Variants in ENTREP2 observed in about 807,000 individuals in gnomAD.
ENTREP2 encodes endosomal transmembrane epsin interactor 2.
At chr15:29,157,605 G>A in the ENTREP2 span, among the ~76,000 whole-genome samples, 2 of 152,298 alleles carry the variant, frequency 1.3e-5, no homozygotes, top group Admixed American at 1.3e-4. Flanking sequence ...TTTTTGAGCA[G>A]GAAGTTGGAC....
chr15:29,579,877 A>T, the ENTREP2 span, among the ~76,000 whole-genome samples: 18,960 of 151,254 alleles, frequency 0.13, 2,098 homozygotes, highest in East Asian at 0.47. Context: ...CACCTGGCTA[A>T]TTTTTTGTAT....
the ENTREP2 span, among the ~76,000 whole-genome samples, chr15:29,184,789 G>A: frequency 6.6e-6 from 1 of 152,138 alleles, no homozygotes; most frequent in Non-Finnish European, 1.5e-5. Context: ...CCTGTCCTGT[G>A]GCCCCTCTCA....
At chr15:29,228,988 A>G in the ENTREP2 span, among the ~76,000 whole-genome samples, 1 of 152,124 alleles carries the variant, frequency 6.6e-6, no homozygotes, top group Non-Finnish European at 1.5e-5. Context: ...TTTTATTAGG[A>G]ACATTTTTGT....
chr15:29,271,779 A>AC, the ENTREP2 span, among the ~76,000 whole-genome samples: 18 of 152,262 alleles, frequency 1.2e-4, no homozygotes, highest in African/African-American at 4.3e-4. Flanking sequence ...TTAAGGCAGT[A>AC]GCTTGCCGAT....
At chr15:29,302,627 A>G in the ENTREP2 span, among the ~76,000 whole-genome samples, 1 of 152,070 alleles carries the variant, frequency 6.6e-6, no homozygotes, top group Non-Finnish European at 1.5e-5. Context: ...TGCTTGCCAA[A>G]AATAATTACA....
chr15:29,412,162 A>C, the ENTREP2 span, among the ~76,000 whole-genome samples: 160 of 152,292 alleles, frequency 1.1e-3, no homozygotes, highest in Middle Eastern at 0.01. Flanking sequence ...GAAAAAAAAA[A>C]CAGCCATCTT....
the ENTREP2 span, among the ~76,000 whole-genome samples, chr15:29,340,622 T>G: frequency 6.6e-6 from 1 of 152,220 alleles, no homozygotes; most frequent in South Asian, 2.1e-4. Flanking sequence ...CTGTGATGAT[T>G]CTAATATTGG....
At chr15:29,151,564 C>T in the ENTREP2 span, among the ~76,000 whole-genome samples, 60 of 152,282 alleles carry the variant, frequency 3.9e-4, 1 homozygote, top group South Asian at 8.5e-3. Flanking sequence ...AATACATCAG[C>T]GGCGCCACGT....
At chr15:29,495,362 T>C in the ENTREP2 span, among the ~76,000 whole-genome samples, 1 of 152,230 alleles carries the variant, frequency 6.6e-6, no homozygotes, top group Non-Finnish European at 1.5e-5. Context: ...TTACATTTCA[T>C]TGTTTCCTTT....
At chr15:29,617,966 C>A in the ENTREP2 span, among the ~76,000 whole-genome samples, 1 of 152,208 alleles carries the variant, frequency 6.6e-6, no homozygotes, top group Non-Finnish European at 1.5e-5. Flanking sequence ...TCTGGACTCT[C>A]TAACTAGCTG....
chr15:29,385,372 C>G, the ENTREP2 span, among the ~76,000 whole-genome samples: 2 of 152,166 alleles, frequency 1.3e-5, no homozygotes, highest in Non-Finnish European at 2.9e-5. Context: ...CAGAATTTGA[C>G]TTTCAACAAA....
At chr15:29,417,589 C>T in the ENTREP2 span, among the ~76,000 whole-genome samples, 1 of 151,972 alleles carries the variant, frequency 6.6e-6, no homozygotes, top group African/African-American at 2.4e-5. Flanking sequence ...CACATGTATA[C>T]ATATGTAACA....
the ENTREP2 span, among the ~76,000 whole-genome samples, chr15:29,276,096 A>C: frequency 6.6e-6 from 1 of 152,196 alleles, no homozygotes; most frequent in African/African-American, 2.4e-5. Flanking sequence ...CTACCTAATA[A>C]CACTTTGTCC....
At chr15:29,511,516 A>C in the ENTREP2 span, among the ~76,000 whole-genome samples, 1 of 150,088 alleles carries the variant, frequency 6.7e-6, no homozygotes, top group East Asian at 2.0e-4. Context: ...TATTTTTTGT[A>C]GTTTTAGTAG....
the ENTREP2 span, among the ~76,000 whole-genome samples, chr15:29,401,344 A>T: frequency 3.3e-5 from 5 of 152,248 alleles, no homozygotes; most frequent in Admixed American, 6.5e-5. Context: ...ACAGAAAAAA[A>T]TGGCTGAATA....
At chr15:29,575,966 CA>C in the ENTREP2 span, among the ~76,000 whole-genome samples, 5 of 152,108 alleles carry the variant, frequency 3.3e-5, no homozygotes, top group Admixed American at 1.3e-4. Flanking sequence ...GCCCTTTTTG[CA>C]GAAATGGAAA....
At chr15:29,345,696 C>G in the ENTREP2 span, among the ~76,000 whole-genome samples, 3 of 151,974 alleles carry the variant, frequency 2.0e-5, no homozygotes, top group Middle Eastern at 3.2e-3. Context: ...CCCACATCCC[C>G]CCCAGCTCCT....
At chr15:29,674,078 C>G in the ENTREP2 span, among the ~76,000 whole-genome samples, 4 of 147,238 alleles carry the variant, frequency 2.7e-5, no homozygotes, top group East Asian at 6.0e-4. Flanking sequence ...TGGGATACTT[C>G]CTGCCTCCCA....
the ENTREP2 span, among the ~76,000 whole-genome samples, chr15:29,293,552 G>A: frequency 1.2e-4 from 18 of 152,018 alleles, no homozygotes; most frequent in Non-Finnish European, 2.5e-4. Context: ...CACCGCGCCC[G>A]GCCAAATTTA....
Sources: allele counts gnomAD v4.1 joint callset (sites outside exome capture counted in the v4.1 genomes callset), GRCh38; gene constraint gnomAD v4.1.1; transcripts MANE v1.5; gene names NCBI Gene and HGNC (gene_info 2026-07-23, HGNC 2026-07-21).